Variants in ZNF451 observed in about 807,000 individuals in gnomAD.
ZNF451 encodes the protein E3 SUMO-protein ligase ZNF451.
A neutral mutation model predicts 107.1 loss-of-function variants in ZNF451; 80 were observed. The observed-to-expected ratio is 0.75, with a 90% CI of 0.62 to 0.90. ZNF451 has a LOEUF of 0.90. Among genes scored for constraint, ZNF451 ranks in the 40% least tolerant of loss-of-function variants. ZNF451 has a pLI of 0.00. For synonymous variants in ZNF451, 362 were observed against 406.5 expected, an observed-to-expected ratio of 0.89 and a Z score of 1.32; for missense variants, 1,107 against 1,236.2, an observed-to-expected ratio of 0.90 and a Z score of 1.57.
At chr6:57,125,797 A>G (rs957151472) in intron 4 of ZNF451, among the ~76,000 whole-genome samples, 3 of 151,740 alleles carry the variant, frequency 2.0e-5, no homozygotes, top group Admixed American at 1.3e-4. Context: ...AAATTAGACT[A>G]TGGTATTCTA....
intron 2 of ZNF451, among the ~76,000 whole-genome samples, chr6:57,097,873 C>T (rs557289322): frequency 6.6e-6 from 1 of 152,058 alleles, no homozygotes; most frequent in Admixed American, 6.5e-5. Context: ...CATTACTATT[C>T]TTATAGTCAC....
chr6:57,092,706 ATGAGTATTG>A (rs1336293855), intron 2 of ZNF451: 1 of 152,206 alleles, frequency 6.6e-6, no homozygotes, highest in Non-Finnish European at 1.5e-5. Context: ...CAGATAAAAA[ATGAGTATTG>A]TGATGTTACT....
chr6:57,128,696 A>G, intron 4 of ZNF451, 33 bp from the exon 5 acceptor site: 1 of 1,453,820 alleles, frequency 6.9e-7, no homozygotes, highest in Non-Finnish European at 9.6e-7. Context: ...ACAGGGTAGT[A>G]ATCTTAATTG....
chr6:57,169,674 C>T lies in ZNF451; in HGVS notation c.*1205C>T, dbSNP rs1207039984. 6.6e-6 allele frequency: 1 copy of T among 152,088 alleles called. No homozygotes were observed. The highest frequency in any genetic ancestry group is 1.5e-5 in the Non-Finnish European group (1 of 68,018). 9.4% of individuals were successfully genotyped at this position (152,088 alleles called of 1,614,324 possible). A position where few individuals can be genotyped will look rare whatever the true frequency, so the allele number is the denominator to read the frequency against. On this transcript the variant is annotated 3_prime_UTR_variant, in exon 15 of 15. Coordinates refer to ENST00000370706, the MANE Select transcript of ZNF451 (RefSeq NM_001031623.3). ...AGTGTGAAATTGAATTTTTTTATTA[C>T]TATAGTCTTTTCAATCTATAATTTG... is the stretch of plus-strand genomic sequence containing the variant.
chr6:57,105,256 A>G (rs1829795865), intron 3 of ZNF451: 4 of 985,342 alleles, frequency 4.1e-6, no homozygotes, highest in Non-Finnish European at 3.6e-6. Context: ...ATTCTCAAAA[A>G]GGATGTATCT....
chr6:57,146,603 C>G (rs1286244247), intron 9 of ZNF451, among the ~76,000 whole-genome samples: 4 of 152,130 alleles, frequency 2.6e-5, no homozygotes, highest in African/African-American at 4.8e-5. Flanking sequence ...GCTGGGTTCT[C>G]TATTCTGTTC....
chr6:57,149,316 G>T (rs1490845404), intron 10 of ZNF451, among the ~76,000 whole-genome samples: 2 of 152,126 alleles, frequency 1.3e-5, no homozygotes, highest in African/African-American at 4.8e-5. Flanking sequence ...GTCTAGGCAG[G>T]TGTTATGTTT....
chr6:57,135,697 T>C (rs924391093), intron 7 of ZNF451, among the ~76,000 whole-genome samples: 26 of 152,152 alleles, frequency 1.7e-4, no homozygotes, highest in African/African-American at 6.3e-4. Flanking sequence ...TTTTCTTCTG[T>C]ATGAATATAG....
intron 3 of ZNF451, chr6:57,124,459 C>G (rs1208926014): frequency 7.0e-6 from 5 of 716,812 alleles, no homozygotes; most frequent in Non-Finnish European, 1.3e-5. Context: ...GACCCTACCT[C>G]TCTGACAGAT....
chr6:57,118,691 C>T (rs1830487627), intron 3 of ZNF451, among the ~76,000 whole-genome samples: 1 of 151,944 alleles, frequency 6.6e-6, no homozygotes, highest in African/African-American at 2.4e-5. Context: ...GCACTGTTAG[C>T]TGGGCTGGTC....
At position 57,151,133 on chromosome 6, in the gene ZNF451, G is replaced by A. The variant is rs1266673146; in HGVS notation, c.2752+271G>A. 17 of 268,260 alleles carry A rather than the reference G, an allele frequency of 6.3e-5. 1 individual carries two copies. The highest frequency in any genetic ancestry group is 2.4e-4 in the South Asian group (3 of 12,606). The allele number at this position is 268,260 out of a possible 1,614,324, so 16.6% of individuals were successfully genotyped here. On this transcript the variant is annotated intron_variant, in intron 11 of 14. Transcript: ENST00000370706. ...TCCCAGAACTTTGGAAGGCTGAGGC[G>A]GACGGATCACGAGGTCAGAAGATCG...
chr6:57,132,937 T>G, intron 5 of ZNF451, 105 bp from the exon 6 acceptor site: 1 of 1,121,710 alleles, frequency 8.9e-7, no homozygotes, highest in Non-Finnish European at 1.3e-6. Flanking sequence ...ATCATCCAGT[T>G]GATGCTATGT....
chr6:57,099,319 C>T (rs1465513317), intron 3 of ZNF451, 178 bp downstream of exon 3: 6 of 636,992 alleles, frequency 9.4e-6, no homozygotes, highest in Non-Finnish European at 1.7e-5. Context: ...AGTTTTTTTC[C>T]TCTACTTTGA....
intron 2 of ZNF451, among the ~76,000 whole-genome samples, chr6:57,093,876 T>A (rs1395176986): frequency 6.6e-6 from 1 of 152,242 alleles, no homozygotes; most frequent in Non-Finnish European, 1.5e-5. Context: ...TGGATTAAAT[T>A]TGAACTATAA....
Position 57,119,231 on chromosome 6 carries a change from A to G in ZNF451, c.187-5503A>G, listed in dbSNP as rs181528842. ...ATTTGTAACCAATCATTCTGGTAGAAAAAGCCAGGGAAGGCCGGGGCGTGG... is the reference window on the plus strand; with the variant it reads ...ATTTGTAACCAATCATTCTGGTAGAGAAAGCCAGGGAAGGCCGGGGCGTGG... On this transcript the variant is annotated intron_variant, in intron 3 of 14. Coordinates refer to ENST00000370706, the MANE Select transcript of ZNF451 (RefSeq NM_001031623.3). Among the ~76,000 whole-genome samples, 38 of 152,314 alleles carry G rather than the reference A, an allele frequency of 2.5e-4. No homozygotes were observed. The South Asian group carries it at 7.0e-3, about 28-fold the overall frequency.
intron 9 of ZNF451, among the ~76,000 whole-genome samples, chr6:57,145,961 A>C (rs1832043596): frequency 6.6e-6 from 1 of 152,088 alleles, no homozygotes; most frequent in Non-Finnish European, 1.5e-5. Flanking sequence ...TGCCAACATC[A>C]GTTGTTTTTT....
In ZNF451 at chr6:57,134,854, A is replaced by G; in HGVS notation, c.686A>G (p.Asp229Gly). 6.2e-7 allele frequency: 1 copy of G among 1,607,110 alleles called. No homozygotes were observed. The highest frequency in any genetic ancestry group is 1.3e-5 in the African/African-American group (1 of 74,854). The change falls in exon 7 of 15, where the codon GAT becomes GGT. Residue 229 changes from aspartate (D) to glycine (G), a missense_variant. Asp to Gly is a moderately conservative substitution (Grantham distance 94, BLOSUM62 -1). Transcript: ENST00000370706. ...TTTGTTACTCAACAACAATATAGAG[A>G]TCACCTTTTTGATAAGGTAAGAGCA... ...KKFVTQQQYR[D>G]HLFDKEATDD... is the part of the protein sequence containing the mutation.
intron 3 of ZNF451, chr6:57,101,501 C>A (rs1213389380): frequency 6.4e-7 from 1 of 1,550,894 alleles, no homozygotes; most frequent in African/African-American, 1.4e-5. Context: ...AACACAACAT[C>A]CCCTCTAGAT....
chr6:57,147,969 G>A lies in ZNF451; in HGVS notation c.1884G>A (p.Leu628=), dbSNP rs769698014. The A allele has an allele frequency of 3.7e-6, 6 of 1,614,048 alleles. No homozygotes were observed. In the Admixed American group the frequency reaches 1.0e-4, roughly 27 times the overall value. The change falls in exon 10 of 15, where the codon TTG becomes TTA. Residue 628 remains leucine (L), a synonymous_variant. Transcript: ENST00000370706. ...QEYVKQHCMS[L]ASHKFHRYSC... is the part of the protein sequence containing the mutation. ...ATGTAAAACAGCACTGCATGTCTTT[G>A]GCAAGCCACAAGTTTCATAGATACA...
Sources: gnomAD v4.1 joint callset for allele counts (sites outside exome capture counted in the v4.1 genomes callset) on GRCh38, gnomAD v4.1.1 for gene constraint, MANE v1.5 for transcripts, NCBI Gene and HGNC (gene_info 2026-07-23, HGNC 2026-07-21) for gene names.